Variants in LIMS1 observed in about 807,000 individuals in gnomAD.
The protein encoded by LIMS1 is LIM zinc finger domain containing 1, also known as LIM and senescent cell antigen-like-containing domain protein 1.
Under a neutral mutation model 44.1 loss-of-function variants are expected in LIMS1, and 18 were observed. The observed-to-expected ratio is 0.41, with a 90% confidence interval of 0.28 to 0.61. LIMS1 has a LOEUF of 0.61. Ranked by LOEUF, LIMS1 falls within the 20% of genes least tolerant of loss-of-function variation. The pLI is 0.32. For synonymous variants in LIMS1, 93 were observed against 149.1 expected, an observed-to-expected ratio of 0.62 and a Z score of 2.74; for missense variants, 201 against 422.0, an observed-to-expected ratio of 0.48 and a Z score of 4.59.
At position 108,582,486 on chromosome 2, in the gene LIMS1, C is replaced by T. The variant is rs888218614; in HGVS notation, c.32+47892C>T. Among the ~76,000 whole-genome samples the T allele has an allele frequency of 4.6e-5, 7 of 152,128 alleles. 1 individual carries two copies. In the East Asian group the frequency reaches 1.3e-3, roughly 29 times the overall value. ...GGTTGATATCTGTTTCAGATATCAT[C>T]GGCTGGGCGCAGTGGCTCACACATG... is the stretch of plus-strand genomic sequence containing the variant. On this transcript the variant is annotated intron_variant, in intron 1 of 9. Coordinates refer to ENST00000544547, the Ensembl canonical transcript of LIMS1.
intron 1 of LIMS1, chr2:108,621,125 C>G: frequency 8.9e-6 from 5 of 561,026 alleles, no homozygotes; most frequent in Non-Finnish European, 1.4e-5. Context: ...CCGCTTCCCC[C>G]CTCCCCAAGG....
intron 2 of LIMS1, chr2:108,662,701 T>C (rs1053779): frequency 8.5e-5 from 80 of 937,464 alleles, no homozygotes; most frequent in Admixed American, 6.1e-4. Flanking sequence ...ATAAGTTGTT[T>C]TCCAGAAAAG....
rs780988622 is a variant in LIMS1 at position 108,683,564 on chromosome 2, TTGAC to T, written c.900-318_900-315del. ...CAAAAAAAAAAAAAAAAAAAAGTGA[TTGAC>T]TGTACTTAAGTTAATTATATTTACA... On this transcript the variant is annotated intron_variant, in intron 9 of 9. Transcript: ENST00000544547. 2.0e-3 allele frequency among the ~76,000 whole-genome samples: 293 copies of T among 146,468 alleles called. 2 individuals carry two copies. The highest frequency in any genetic ancestry group is 4.8e-3 in the East Asian group (24 of 4,952).
intron 1 of LIMS1, among the ~76,000 whole-genome samples, chr2:108,604,424 A>G (rs529938947): frequency 6.6e-6 from 1 of 152,194 alleles, no homozygotes; most frequent in Admixed American, 6.5e-5. Flanking sequence ...AATATTTACT[A>G]TCTGGCCTTT....
intron 1 of LIMS1, among the ~76,000 whole-genome samples, chr2:108,557,228 C>A (rs964633102): frequency 2.6e-5 from 4 of 152,082 alleles, no homozygotes; most frequent in African/African-American, 9.7e-5. Context: ...CAGGCGCACA[C>A]TACCGTGCCT....
At chr2:108,544,648 C>T (rs1435703657) in intron 1 of LIMS1, among the ~76,000 whole-genome samples, 3 of 152,062 alleles carry the variant, frequency 2.0e-5, no homozygotes, top group Non-Finnish European at 2.9e-5. Flanking sequence ...GTGCCTACCA[C>T]CATGCCTGGC....
At chr2:108,678,335 C>T (rs985255532) in intron 8 of LIMS1, 6 of 473,264 alleles carry the variant, frequency 1.3e-5, no homozygotes, top group African/African-American at 6.0e-5. Flanking sequence ...TCTAGAACAA[C>T]GTTTATTAGG....
intron 1 of LIMS1, among the ~76,000 whole-genome samples, chr2:108,540,678 A>T (rs1020109538): frequency 2.6e-5 from 4 of 152,188 alleles, no homozygotes; most frequent in African/African-American, 9.6e-5. Context: ...GAACTCATGC[A>T]CTTTAGTGGG....
At chr2:108,598,411 A>G (rs1281947581) in intron 1 of LIMS1, among the ~76,000 whole-genome samples, 1 of 152,228 alleles carries the variant, frequency 6.6e-6, no homozygotes, top group Non-Finnish European at 1.5e-5. Context: ...TGTATAGGCT[A>G]GGAGGAAGGA....
intron 1 of LIMS1, among the ~76,000 whole-genome samples, chr2:108,614,333 A>G (rs1687819534): frequency 6.6e-6 from 1 of 152,104 alleles, no homozygotes; most frequent in Non-Finnish European, 1.5e-5. Context: ...TCTGCCAACC[A>G]GAGATGTCCT....
At chr2:108,622,605 A>G (rs912355689) in intron 1 of LIMS1, among the ~76,000 whole-genome samples, 5 of 152,150 alleles carry the variant, frequency 3.3e-5, no homozygotes, top group Admixed American at 6.5e-5. Flanking sequence ...CTTTGAATTG[A>G]CTGGATTAAA....
intron 1 of LIMS1, among the ~76,000 whole-genome samples, chr2:108,605,056 A>T (rs1489186232): frequency 6.6e-6 from 1 of 152,226 alleles, no homozygotes; most frequent in Non-Finnish European, 1.5e-5. Flanking sequence ...AGGCACAGGA[A>T]TGTGTCTTGG....
chr2:108,653,546 T>C (rs1690646268), intron 1 of LIMS1, among the ~76,000 whole-genome samples: 3 of 152,128 alleles, frequency 2.0e-5, no homozygotes, highest in African/African-American at 4.8e-5. Context: ...CACACTGCCC[T>C]GAGAGGATGG....
intron 1 of LIMS1, among the ~76,000 whole-genome samples, chr2:108,595,295 A>G (rs1558801390): frequency 1.3e-5 from 2 of 152,182 alleles, no homozygotes; most frequent in Non-Finnish European, 2.9e-5. Context: ...TCATTCCCAA[A>G]GAATCTTTTC....
chr2:108,636,834 C>T (rs1374968745), intron 1 of LIMS1, among the ~76,000 whole-genome samples: 1 of 152,064 alleles, frequency 6.6e-6, no homozygotes, highest in African/African-American at 2.4e-5. Flanking sequence ...AGGTTGAGCA[C>T]AGGAGCCTGC....
intron 1 of LIMS1, among the ~76,000 whole-genome samples, chr2:108,610,748 GTC>G (rs1448494428): frequency 6.6e-6 from 1 of 152,180 alleles, no homozygotes; most frequent in Non-Finnish European, 1.5e-5. Flanking sequence ...TGTCTGTTAA[GTC>G]TCTCTTAATC....
intron 1 of LIMS1, among the ~76,000 whole-genome samples, chr2:108,649,621 A>C (rs1573551603): frequency 6.6e-6 from 1 of 152,238 alleles, no homozygotes; most frequent in Non-Finnish European, 1.5e-5. Context: ...GCATATATAC[A>C]CCATAGGATA....
chr2:108,607,112 G>T, intron 1 of LIMS1: 1 of 922,522 alleles, frequency 1.1e-6, no homozygotes, highest in South Asian at 1.5e-5. Flanking sequence ...TGAGATTACT[G>T]CCCTTATAAA....
At chr2:108,663,064 T>G (rs1240460933) in intron 2 of LIMS1, among the ~76,000 whole-genome samples, 1 of 152,206 alleles carries the variant, frequency 6.6e-6, no homozygotes, top group Non-Finnish European at 1.5e-5. Flanking sequence ...AGAACATATA[T>G]CTGAAGAAAT....
Sources: allele counts gnomAD v4.1 joint callset (sites outside exome capture counted in the v4.1 genomes callset), GRCh38; gene constraint gnomAD v4.1.1; transcripts MANE v1.5; gene names NCBI Gene and HGNC (gene_info 2026-07-23, HGNC 2026-07-21).